Variants in RAD21 observed in about 807,000 individuals in gnomAD.
The protein encoded by RAD21 is RAD21 cohesin complex component.
RAD21 carries 18 observed loss-of-function variants against 71.5 expected under a neutral mutation model. The observed-to-expected ratio is 0.25, with a 90% CI of 0.17 to 0.37. The LOEUF (loss-of-function observed/expected upper bound fraction) is 0.37. Among genes scored for constraint, RAD21 ranks in the 10% least tolerant of loss-of-function variants. The pLI is 1.00. For synonymous variants in RAD21, 248 were observed against 254.0 expected (o/e 0.98, Z 0.22); for missense variants, 493 against 769.1 (o/e 0.64, Z 4.25).
At chr8:116,857,716 T>C (rs1320482066) in intron 5 of RAD21, among the ~76,000 whole-genome samples, 1 of 152,240 alleles carries the variant, frequency 6.6e-6, no homozygotes, top group East Asian at 1.9e-4. Context: ...TAGATTTAAA[T>C]GATCCTAAAA....
rs376321438 is a variant in RAD21 at position 116,846,972 on chromosome 8, C to T, written c.*528G>A. On this transcript the variant is annotated 3_prime_UTR_variant, in exon 14 of 14. Transcript: ENST00000297338. ...GCTCATTATGGAATTACACTTAAAACGAATCTCAAGAGGGTGACCATTGTT... is the reference window on the plus strand; with the variant it reads ...GCTCATTATGGAATTACACTTAAAATGAATCTCAAGAGGGTGACCATTGTT... 9.2e-6 allele frequency: 2 copies of T among 216,272 alleles called. No individual in the cohort carries two copies. Among genetic ancestry groups the T allele is most frequent in the Non-Finnish European group, 1.9e-5 (2 of 107,410 alleles). The allele number at this position is 216,272 out of a possible 1,614,324, so 13.4% of individuals were successfully genotyped here.
In RAD21 at chr8:116,856,583, T is replaced by C. The variant is rs1052918210; in HGVS notation, c.814+63A>G. The C allele has an allele frequency of 5.2e-5, 77 of 1,485,018 alleles. No individual in the cohort carries two copies. The African/African-American group carries it at 9.4e-4, about 18-fold the overall frequency. 92.0% of individuals were successfully genotyped at this position (1,485,018 alleles called of 1,614,324 possible). A position where few individuals can be genotyped will look rare whatever the true frequency, so the allele number is the denominator to read the frequency against. ...ACAACTTTTAGTTTGTCATCTTCTA[T>C]GGTAAGTATCTTTCTGGATGCCATA... On this transcript the variant is annotated intron_variant, in intron 7 of 13. Transcript: ENST00000297338.
At position 116,846,916 on chromosome 8, in the gene RAD21, T is replaced by A. The variant is rs1408484387; in HGVS notation, c.*584A>T. On this transcript the variant is annotated 3_prime_UTR_variant, in exon 14 of 14. Coordinates refer to ENST00000297338, the MANE Select transcript of RAD21 (RefSeq NM_006265.3). ...CCTATCTTTTTGTAGCTGAAGGCTA[T>A]CAGTCATAACACAATTTCGCGTACA... The A allele has an allele frequency of 9.3e-6, 2 of 214,914 alleles. No individual in the cohort carries two copies. Among genetic ancestry groups the A allele is most frequent in the Non-Finnish European group, 1.9e-5 (2 of 106,582 alleles). 13.3% of individuals were successfully genotyped at this position (214,914 alleles called of 1,614,324 possible).
In RAD21 at chr8:116,856,241, G is replaced by C. The variant is rs2130466487; in HGVS notation, c.862C>G (p.Pro288Ala). ...AGTGTTGTTTGATCAGTCATGGTTG[G>C]CATTGGTTCAACGGGATCCACTGAA... ...PDSVDPVEPM[P>A]TMTDQTTLVP... is the part of the protein sequence containing the mutation. The change falls in exon 8 of 14, where the codon CCA becomes GCA. Residue 288 changes from proline (P) to alanine (A), a missense_variant. Physicochemically the swap from Pro to Ala is conservative, Grantham distance 27. Coordinates refer to ENST00000297338, the MANE Select transcript of RAD21 (RefSeq NM_006265.3). 6.3e-7 allele frequency: 1 copy of C among 1,594,734 alleles called. No individual in the cohort carries two copies. Among genetic ancestry groups the C allele is most frequent in the Non-Finnish European group, 8.5e-7 (1 of 1,172,554 alleles).
At chr8:116,862,305 A>G (rs1488402440) in intron 3 of RAD21, among the ~76,000 whole-genome samples, 1 of 152,058 alleles carries the variant, frequency 6.6e-6, no homozygotes, top group Non-Finnish European at 1.5e-5. Context: ...GAATTACACA[A>G]TTTTAATTTT....
At chr8:116,848,761 T>TTA (rs568460865) in intron 13 of RAD21, 185 bp downstream of exon 13, 9 of 362,688 alleles carry the variant, frequency 2.5e-5, no homozygotes, top group African/African-American at 1.8e-4. Flanking sequence ...TAAACTATAA[T>TTA]AAAAAAAAAA....
chr8:116,865,359 A>G (rs1812668273), intron 2 of RAD21, among the ~76,000 whole-genome samples: 1 of 152,168 alleles, frequency 6.6e-6, no homozygotes, highest in Non-Finnish European at 1.5e-5. Context: ...GATGTTAAAG[A>G]TTAGCCACAC....
intron 4 of RAD21, among the ~76,000 whole-genome samples, chr8:116,860,120 A>C (rs937762002): frequency 2.0e-5 from 3 of 152,212 alleles, no homozygotes; most frequent in Non-Finnish European, 4.4e-5. Context: ...CTAGAATTAG[A>C]AGTGGAGCCT....
rs559778063 is a variant in RAD21, at chr8:116,846,853, A to G, written c.*647T>C. On this transcript the variant is annotated 3_prime_UTR_variant, in exon 14 of 14. Transcript: ENST00000297338. ...AAGTTCATCAGAAAGACTCAAATGG[A>G]ATGATTTACAAAATAGAACACTTTA... The G allele has an allele frequency of 1.8e-4, 39 of 218,092 alleles. No homozygotes were observed. The highest frequency in any genetic ancestry group is 8.3e-4 in the African/African-American group (37 of 44,630). 13.5% of individuals were successfully genotyped at this position (218,092 alleles called of 1,614,324 possible). A position where few individuals can be genotyped will look rare whatever the true frequency, so the allele number is the denominator to read the frequency against.
chr8:116,870,087 G>A (rs1032830557), intron 1 of RAD21, among the ~76,000 whole-genome samples: 1 of 152,184 alleles, frequency 6.6e-6, no homozygotes, highest in East Asian at 1.9e-4. Context: ...TAAGAGTAAA[G>A]AGTCTTGAAA....
In RAD21 at chr8:116,858,437, C is replaced by T. The variant is rs1812516622; in HGVS notation, c.396G>A (p.Gln132=). The change falls in exon 5 of 14, where the codon CAG becomes CAA. Residue 132 remains glutamine, a synonymous_variant. Transcript: ENST00000297338. ...CCACTCTACTCTGATTCAAGCTGAA[C>T]TGCTGGGCCACATCGATGTCACTTT... ...PDLDDIDVAQ[Q]FSLNQSRVEE... 3 of 1,612,752 alleles carry T rather than the reference C, an allele frequency of 1.9e-6. No individual in the cohort carries two copies. In the African/African-American group the frequency reaches 4.0e-5, roughly 22 times the overall value.
chr8:116,862,140 A>G (rs935524504), intron 3 of RAD21, among the ~76,000 whole-genome samples, 200 bp from the exon 4 acceptor site: 1 of 152,200 alleles, frequency 6.6e-6, no homozygotes, highest in Non-Finnish European at 1.5e-5. Flanking sequence ...AAGTCAAAGC[A>G]CTAATTATGC....
At chr8:116,870,216 C>T (rs1042893695) in intron 1 of RAD21, among the ~76,000 whole-genome samples, 5 of 152,094 alleles carry the variant, frequency 3.3e-5, no homozygotes, top group African/African-American at 1.2e-4. Context: ...CTCTTCCTCC[C>T]AAATTTGGAG....
chr8:116,867,928 C>T (rs1461754389), intron 1 of RAD21, among the ~76,000 whole-genome samples: 1 of 152,144 alleles, frequency 6.6e-6, no homozygotes, highest in Non-Finnish European at 1.5e-5. Context: ...GTATAATCAC[C>T]ACTGCAAAAA....
At chr8:116,873,922 G>A (rs1452162704) in intron 1 of RAD21, among the ~76,000 whole-genome samples, 1 of 152,202 alleles carries the variant, frequency 6.6e-6, no homozygotes, top group Non-Finnish European at 1.5e-5. Context: ...AACCAATTAT[G>A]CAAATATCCT....
Position 116,854,589 on chromosome 8 carries a change from T to G in RAD21, c.938-121A>C, listed in dbSNP as rs553300899. The G allele has an allele frequency of 2.2e-4, 166 of 753,196 alleles. 1 individual carries two copies. The African/African-American group carries it at 2.6e-3, about 12-fold the overall frequency. The allele number at this position is 753,196 out of a possible 1,614,324, so 46.7% of individuals were successfully genotyped here. A position where few individuals can be genotyped will look rare whatever the true frequency, so the allele number is the denominator to read the frequency against. On this transcript the variant is annotated intron_variant, in intron 8 of 13. Transcript: ENST00000297338. The stretch of plus-strand genomic sequence containing the variant: ...TACACACAGACTCTAGCAGAGAAGT[T>G]AAACTTCATGAGGATAGAACGTTTT...
At chr8:116,857,563 T>C (rs1307414589) in intron 5 of RAD21, 90 bp from the exon 6 acceptor site, 14 of 1,061,790 alleles carry the variant, frequency 1.3e-5, no homozygotes, top group Non-Finnish European at 1.9e-5. Flanking sequence ...TCTAATTATG[T>C]CACATTTGCT....
intron 8 of RAD21, among the ~76,000 whole-genome samples, chr8:116,855,562 TA>T (rs1413473623): frequency 3.3e-5 from 5 of 152,172 alleles, no homozygotes; most frequent in Non-Finnish European, 7.3e-5. Context: ...ATAAAATTTT[TA>T]AAAAAATTTC....
chr8:116,858,208 A>C, intron 5 of RAD21, 144 bp downstream of exon 5: 2 of 635,198 alleles, frequency 3.1e-6, no homozygotes, highest in Non-Finnish European at 5.4e-6. Context: ...ATCTACTGGT[A>C]GAAAGCCAAA....
Sources: gnomAD v4.1 joint callset for allele counts (sites outside exome capture counted in the v4.1 genomes callset) on GRCh38, gnomAD v4.1.1 for gene constraint, MANE v1.5 for transcripts, NCBI Gene and HGNC (gene_info 2026-07-23, HGNC 2026-07-21) for gene names.